Variants in UGGT1 observed in about 807,000 individuals in gnomAD.
The protein encoded by UGGT1 is UDP-glucose glycoprotein glucosyltransferase 1, also known as UDP-glucose:glycoprotein glucosyltransferase 1.
UGGT1 carries 107 observed loss-of-function variants against 203.9 expected under a neutral mutation model. The observed-to-expected ratio is 0.52, with a 90% CI of 0.45 to 0.62. The LOEUF (loss-of-function observed/expected upper bound fraction) is 0.62, where lower values mean the gene tolerates loss of function less well. Ranked by LOEUF, UGGT1 falls within the 20% of genes least tolerant of loss-of-function variation. The pLI, the probability that UGGT1 is intolerant of heterozygous loss-of-function variation, is 0.00. For synonymous variants in UGGT1, 628 were observed against 653.5 expected, an observed-to-expected ratio of 0.96 and a Z score of 0.59; for missense variants, 1,673 against 1,867.2, an observed-to-expected ratio of 0.90 and a Z score of 1.92.
intron 5 of UGGT1, among the ~76,000 whole-genome samples, chr2:128,110,915 T>C (rs1687817988): frequency 6.6e-6 from 1 of 152,228 alleles, no homozygotes; most frequent in South Asian, 2.1e-4. Context: ...AGCATCTGTA[T>C]TCATGTCTTT....
intron 25 of UGGT1, among the ~76,000 whole-genome samples, chr2:128,162,071 C>T (rs180717859): frequency 7.1e-4 from 108 of 152,174 alleles, no homozygotes; most frequent in African/African-American, 2.6e-3. Context: ...TAGCCATCCT[C>T]GTGGGTATGA....
intron 3 of UGGT1, among the ~76,000 whole-genome samples, chr2:128,107,207 A>T (rs1458019297): frequency 9.2e-4 from 3 of 3,252 alleles, no homozygotes; most frequent in Non-Finnish European, 0.014. Flanking sequence ...TACTGGTTTA[A>T]AAAAAAAGTT....
intron 26 of UGGT1, 106 bp downstream of exon 26, chr2:128,164,931 T>C (rs1690713245): frequency 2.5e-6 from 2 of 802,208 alleles, no homozygotes; most frequent in African/African-American, 3.6e-5. Context: ...ATATAAGTTC[T>C]TACAGGAATT....
intron 3 of UGGT1, among the ~76,000 whole-genome samples, chr2:128,105,161 G>A (rs1048781938): frequency 6.6e-6 from 1 of 151,694 alleles, no homozygotes; most frequent in African/African-American, 2.4e-5. Flanking sequence ...GGGATTACAG[G>A]CATGAACCAC....
intron 18 of UGGT1, 26 bp from the exon 19 acceptor site, chr2:128,152,758 C>A (rs1463298004): frequency 1.3e-6 from 2 of 1,585,874 alleles, no homozygotes; most frequent in Non-Finnish European, 1.7e-6. Flanking sequence ...ACCCTCCCCC[C>A]TCAACCTCCT....
Position 128,155,537 on chromosome 2 carries a change from A to G in UGGT1, c.2186A>G (p.Gln729Arg), listed in dbSNP as rs773693712. 4.3e-6 allele frequency: 7 copies of G among 1,613,590 alleles called. No homozygotes were observed. The highest frequency in any genetic ancestry group is 5.1e-6 in the Non-Finnish European group (6 of 1,179,814). Residue 729 changes from glutamine to arginine, a missense_variant, in exon 20 of 41, where the codon CAA (glutamine) becomes CGA (arginine). Gln to Arg is a conservative substitution (Grantham distance 43, BLOSUM62 1). Transcript: ENST00000259253. ...GCTAGATTTACTATCTTGGATTCCC[A>G]AGGCAAGACTGCTGCTGTAGCCAAT... ...DYARFTILDS[Q>R]GKTAAVANSM...
At position 128,178,451 on chromosome 2, in the gene UGGT1, TA is replaced by T; in HGVS notation, c.3714-16del. ...TGAGTGTTTCAAGTGGTCTTTTTTT[TA>T]CCCTTATTGTTATAGGGGCTTTACA... On this transcript the variant is annotated splice_polypyrimidine_tract_variant and intron_variant, in intron 33 of 40. Transcript: ENST00000259253. 1.3e-6 allele frequency: 2 copies of T among 1,593,214 alleles called. No individual in the cohort carries two copies. The highest frequency in any genetic ancestry group is 2.3e-5 in the South Asian group (2 of 88,064).
chr2:128,139,038 G>T (rs1689281149), intron 16 of UGGT1, among the ~76,000 whole-genome samples, 186 bp downstream of exon 16: 1 of 152,222 alleles, frequency 6.6e-6, no homozygotes, highest in Non-Finnish European at 1.5e-5. Context: ...AAGTGGCAGG[G>T]ATGCCAGTTG....
chr2:128,118,574 T>G (rs1688236303), intron 8 of UGGT1, among the ~76,000 whole-genome samples: 3 of 152,102 alleles, frequency 2.0e-5, no homozygotes, highest in Admixed American at 2.0e-4. Context: ...TTCAGAATCT[T>G]TTTTCACATT....
At chr2:128,141,362 G>A (rs1008289608) in intron 16 of UGGT1, among the ~76,000 whole-genome samples, 5 of 152,026 alleles carry the variant, frequency 3.3e-5, no homozygotes, top group Non-Finnish European at 7.4e-5. Flanking sequence ...TGGGGAGGCC[G>A]AGGCAGGTGG....
intron 22 of UGGT1, among the ~76,000 whole-genome samples, chr2:128,159,005 G>A (rs1048387739): frequency 2.6e-5 from 4 of 152,014 alleles, no homozygotes; most frequent in Non-Finnish European, 5.9e-5. Flanking sequence ...TTGGAAAGGT[G>A]GGCTGGGGGC....
intron 26 of UGGT1, among the ~76,000 whole-genome samples, chr2:128,165,433 C>T (rs938070245): frequency 6.6e-6 from 1 of 152,186 alleles, no homozygotes; most frequent in Non-Finnish European, 1.5e-5. Flanking sequence ...CGTGGTGGCT[C>T]ATGCCTGTAA....
At chr2:128,118,879 A>G (rs533657972) in intron 8 of UGGT1, among the ~76,000 whole-genome samples, 21 of 152,144 alleles carry the variant, frequency 1.4e-4, no homozygotes, top group African/African-American at 4.8e-4. Flanking sequence ...CATGTTGCCC[A>G]GGCTGGTCTT....
At chr2:128,160,386 A>T in intron 23 of UGGT1, 74 bp from the exon 24 acceptor site, 1 of 1,448,232 alleles carries the variant, frequency 6.9e-7, no homozygotes, top group South Asian at 1.5e-5. Flanking sequence ...TTTATGGTTT[A>T]TTCACTGTGT....
At chr2:128,166,497 G>C (rs1415452391) in intron 26 of UGGT1, among the ~76,000 whole-genome samples, 1 of 152,174 alleles carries the variant, frequency 6.6e-6, no homozygotes, top group African/African-American at 2.4e-5. Context: ...CATGACTCCA[G>C]TATCTTTGTA....
Position 128,152,257 on chromosome 2 carries a change from T to C in UGGT1, c.2017-527T>C, listed in dbSNP as rs558448286. On this transcript the variant is annotated intron_variant, in intron 18 of 40. Transcript: ENST00000259253. ...ATCTTGGCTCACTGCAACCTCTGCCTCCCAGGTTCAAGTGATTCTCCTGCC... is the reference window on the plus strand; with the variant it reads ...ATCTTGGCTCACTGCAACCTCTGCCCCCCAGGTTCAAGTGATTCTCCTGCC... 3.3e-5 allele frequency among the ~76,000 whole-genome samples: 5 copies of C among 152,156 alleles called. 1 individual carries two copies. The South Asian group carries it at 1.0e-3, about 32-fold the overall frequency.
At chr2:128,182,981 C>T (rs1691782215) in intron 37 of UGGT1, among the ~76,000 whole-genome samples, 1 of 134,996 alleles carries the variant, frequency 7.4e-6, no homozygotes, top group Non-Finnish European at 1.5e-5. Flanking sequence ...GATTCCTTTT[C>T]ATAGCTGCAT....
rs73955996 is a variant in UGGT1, at chr2:128,184,235, A to C, written c.4359+446A>C. Among the ~76,000 whole-genome samples, 629 of 152,282 alleles carry C rather than the reference A, an allele frequency of 4.1e-3. 6 individuals are homozygous for C. The highest frequency in any genetic ancestry group is 0.013 in the African/African-American group (551 of 41,558). The stretch of plus-strand genomic sequence containing the variant: ...TATGTCAGAAACCATGATGTGTTTC[A>C]AGGCTAGCTAAATTACTGTTTGTTA... On this transcript the variant is annotated intron_variant, in intron 38 of 40. Coordinates refer to ENST00000259253, the MANE Select transcript of UGGT1 (RefSeq NM_020120.4).
Position 128,157,295 on chromosome 2 carries a change from T to C in UGGT1, c.2304T>C (p.Asp768=). ...IRPVTFWIVG[D]FDSPSGRQLL... ...CAGTAACTTTTTGGATTGTTGGGGA[T>C]TTTGATAGCCCTTCTGGACGGCAGT... Residue 768 remains aspartate, a synonymous_variant, in exon 22 of 41, where the codon GAT becomes GAC. Coordinates refer to ENST00000259253, the MANE Select transcript of UGGT1 (RefSeq NM_020120.4). The C allele has an allele frequency of 1.9e-6, 3 of 1,614,146 alleles. No individual in the cohort carries two copies. Among genetic ancestry groups the C allele is most frequent in the Non-Finnish European group, 2.5e-6 (3 of 1,180,000 alleles).
Sources: allele counts gnomAD v4.1 joint callset (sites outside exome capture counted in the v4.1 genomes callset), GRCh38; gene constraint gnomAD v4.1.1; transcripts MANE v1.5; gene names NCBI Gene and HGNC (gene_info 2026-07-23, HGNC 2026-07-21).